RBFOX1: variants seen among roughly 807,000 people sequenced by gnomAD.
The protein encoded by RBFOX1 is RNA binding protein fox-1 homolog 1.
RBFOX1 carries 8 observed loss-of-function variants against 57.7 expected under a neutral mutation model. The observed-to-expected ratio is 0.14, with a 90% CI of 0.08 to 0.25. RBFOX1 has a LOEUF of 0.25. Ranked by LOEUF, RBFOX1 falls within the 10% of genes least tolerant of loss-of-function variation. The pLI is 1.00. For synonymous variants in RBFOX1, 326 were observed against 222.4 expected (o/e 1.47, Z -4.15); for missense variants, 611 against 548.5 (o/e 1.11, Z -1.14).
chr16:7,503,060 C>G (rs915177005), intron 4 of RBFOX1, among the ~76,000 whole-genome samples: 6 of 152,034 alleles, frequency 3.9e-5, no homozygotes, highest in African/African-American at 1.5e-4. Flanking sequence ...TTATCCATGT[C>G]CAAGATTATG....
chr16:5,286,636 G>A (rs2063402299), intron 1 of RBFOX1, among the ~76,000 whole-genome samples: 1 of 152,332 alleles, frequency 6.6e-6, no homozygotes. Context: ...CTTGTTTTGA[G>A]CCAGTCACTC....
chr16:5,893,531 G>A (rs2058092860), intron 4 of RBFOX1, among the ~76,000 whole-genome samples: 1 of 152,168 alleles, frequency 6.6e-6, no homozygotes, highest in African/African-American at 2.4e-5. Flanking sequence ...ATCTGGCTAG[G>A]CATGGTGGCT....
intron 1 of RBFOX1, among the ~76,000 whole-genome samples, chr16:6,124,925 A>G (rs2096578314): frequency 6.6e-6 from 1 of 152,152 alleles, no homozygotes; most frequent in Non-Finnish European, 1.5e-5. Context: ...CATATTTCAC[A>G]GTGCCTCACC....
chr16:5,830,583 G>A (rs1434783817), intron 3 of RBFOX1, among the ~76,000 whole-genome samples: 1 of 152,138 alleles, frequency 6.6e-6, no homozygotes, highest in Non-Finnish European at 1.5e-5. Context: ...GTGGGTGTCA[G>A]TAGCCAGCAG....
At position 6,865,408 on chromosome 16, in the gene RBFOX1, AT is replaced by A. The variant is rs1381560322; in HGVS notation, c.-15-186645del. 3.9e-5 allele frequency among the ~76,000 whole-genome samples: 6 copies of A among 152,252 alleles called. 1 individual carries two copies. The East Asian group carries it at 1.2e-3, about 29-fold the overall frequency. On this transcript the variant is annotated intron_variant, in intron 3 of 15. Transcript: ENST00000550418. ...ACACAAAGAAGAAAAATCATTTCTA[AT>A]TTTACCAGTGTTTATCATTAGTGTG...
At chr16:6,558,158 C>T (rs1411528571) in intron 2 of RBFOX1, among the ~76,000 whole-genome samples, 1 of 152,098 alleles carries the variant, frequency 6.6e-6, no homozygotes, top group African/African-American at 2.4e-5. Context: ...TGCCCAGAAG[C>T]CTGGGAGGAG....
At chr16:7,033,096 G>T (rs181515107) in intron 3 of RBFOX1, among the ~76,000 whole-genome samples, 1 of 152,190 alleles carries the variant, frequency 6.6e-6, no homozygotes, top group Non-Finnish European at 1.5e-5. Context: ...TCTCCTCTTG[G>T]GCTGAGTGGG....
chr16:6,355,566 G>A (rs1248794401), intron 2 of RBFOX1, among the ~76,000 whole-genome samples: 2 of 152,234 alleles, frequency 1.3e-5, no homozygotes, highest in Non-Finnish European at 1.5e-5. Context: ...CCAAGTCTTT[G>A]CTATTGTGAA....
chr16:5,665,265 C>G (rs74004466), intron 3 of RBFOX1, among the ~76,000 whole-genome samples: 2,845 of 152,120 alleles, frequency 0.019, 84 homozygotes, highest in African/African-American at 0.065. Context: ...TCTTTTCTGT[C>G]TCAGAGCCTT....
At chr16:5,818,856 C>T (rs1380630888) in intron 3 of RBFOX1, among the ~76,000 whole-genome samples, 1 of 152,178 alleles carries the variant, frequency 6.6e-6, no homozygotes, top group East Asian at 1.9e-4. Context: ...GAGAGGACTC[C>T]TTTTATGTCC....
chr16:6,787,517 C>T (rs1441788037), intron 3 of RBFOX1, among the ~76,000 whole-genome samples: 1 of 152,130 alleles, frequency 6.6e-6, no homozygotes, highest in African/African-American at 2.4e-5. Context: ...GTATGCTGGG[C>T]AATAGAAATT....
chr16:5,412,753 G>T (rs1316606080), intron 1 of RBFOX1, among the ~76,000 whole-genome samples: 2 of 152,240 alleles, frequency 1.3e-5, no homozygotes, highest in African/African-American at 4.8e-5. Flanking sequence ...AAAAAATCAA[G>T]CACAGGGAGG....
intron 2 of RBFOX1, among the ~76,000 whole-genome samples, chr16:5,539,543 G>A (rs1018761800): frequency 6.6e-6 from 1 of 152,086 alleles, no homozygotes; most frequent in Non-Finnish European, 1.5e-5. Flanking sequence ...GGAGGTTATA[G>A]TGAGCCAAGA....
At chr16:7,382,498 C>G (rs1193992709) in intron 4 of RBFOX1, among the ~76,000 whole-genome samples, 1 of 152,172 alleles carries the variant, frequency 6.6e-6, no homozygotes, top group African/African-American at 2.4e-5. Context: ...TTATTAAATA[C>G]TGACAGTGTT....
At chr16:6,558,510 T>C (rs575122760) in intron 2 of RBFOX1, among the ~76,000 whole-genome samples, 1 of 152,248 alleles carries the variant, frequency 6.6e-6, no homozygotes, top group African/African-American at 2.4e-5. Context: ...GGAAGGACAT[T>C]GGAAAAATCA....
intron 2 of RBFOX1, among the ~76,000 whole-genome samples, chr16:5,481,299 C>A (rs1032656990): frequency 7.2e-5 from 11 of 152,086 alleles, no homozygotes; most frequent in African/African-American, 2.7e-4. Flanking sequence ...TTGTTGACAC[C>A]CATGACCTAT....
intron 2 of RBFOX1, among the ~76,000 whole-genome samples, chr16:5,483,048 C>T (rs2069600609): frequency 6.6e-6 from 1 of 152,186 alleles, no homozygotes; most frequent in Non-Finnish European, 1.5e-5. Flanking sequence ...ACATTCATGT[C>T]ACAGAGTTCT....
intron 3 of RBFOX1, among the ~76,000 whole-genome samples, chr16:5,718,865 C>T (rs970398847): frequency 5.3e-5 from 8 of 151,946 alleles, no homozygotes; most frequent in Non-Finnish European, 1.0e-4. Flanking sequence ...GTGGAGACTG[C>T]ACCAATTTAC....
chr16:7,089,137 C>T (rs181261771), intron 4 of RBFOX1, among the ~76,000 whole-genome samples: 8 of 152,218 alleles, frequency 5.3e-5, no homozygotes, highest in Non-Finnish European at 7.4e-5. Flanking sequence ...CATTTCCACC[C>T]GGTTTAGTTT....
Sources: gnomAD v4.1 joint callset for allele counts (sites outside exome capture counted in the v4.1 genomes callset) on GRCh38, gnomAD v4.1.1 for gene constraint, MANE v1.5 for transcripts, NCBI Gene and HGNC (gene_info 2026-07-23, HGNC 2026-07-21) for gene names.